Variants in ZIC1 observed in about 807,000 individuals in gnomAD.
ZIC1 encodes the protein Zic family zinc finger 1.
A neutral mutation model predicts 30.9 loss-of-function variants in ZIC1; 4 were observed. That is an observed-to-expected ratio of 0.13 (90% CI 0.06 to 0.30). The LOEUF (loss-of-function observed/expected upper bound fraction) is 0.30. Among genes scored for constraint, ZIC1 ranks in the 10% least tolerant of loss-of-function variants. The probability of loss-of-function intolerance (pLI) is 1.00; values close to 1 mark genes in which losing one functional copy is unlikely to be tolerated. For synonymous variants in ZIC1, 305 were observed against 277.5 expected, an observed-to-expected ratio of 1.10 and a Z score of -0.98; for missense variants, 441 against 639.3, an observed-to-expected ratio of 0.69 and a Z score of 3.34.
rs2087345236 is a variant in ZIC1, at chr3:147,409,729, T to C, written c.-384T>C. On this transcript the variant is annotated 5_prime_UTR_variant, in exon 1 of 3. Transcript: ENST00000282928. ...CGCTCACATTCCTCTATGCTACAAA[T>C]CCAGGAGGAAGTTTTTTTTTAGGGG... 4.5e-6 allele frequency: 1 copy of C among 223,090 alleles called. No homozygotes were observed. Among genetic ancestry groups the C allele is most frequent in the Non-Finnish European group, 8.7e-6 (1 of 114,588 alleles). The allele number at this position is 223,090 out of a possible 1,614,324, so 13.8% of individuals were successfully genotyped here.
chr3:147,410,365 C>A lies in ZIC1; in HGVS notation c.253C>A (p.His85Asn). ...CCTGGGCCATCACCATCACCCGGGC[C>A]ACGTCGGCTCCTATTCCAGCGCAGC... ...AALGHHHHPG[H>N]VGSYSSAAFN... is the part of the protein sequence containing the mutation. The change falls in exon 1 of 3, where the codon CAC becomes AAC. Residue 85 changes from histidine to asparagine, a missense_variant. Coordinates refer to ENST00000282928, the MANE Select transcript of ZIC1 (RefSeq NM_003412.4). The A allele has an allele frequency of 6.2e-7, 1 of 1,601,406 alleles. No homozygotes were observed. The highest frequency in any genetic ancestry group is 8.5e-7 in the Non-Finnish European group (1 of 1,179,564).
chr3:147,410,072 G>T lies in ZIC1; in HGVS notation c.-41G>T. On this transcript the variant is annotated 5_prime_UTR_variant, in exon 1 of 3. Transcript: ENST00000282928. ...TTTCCCTCCTCGGCTGGCGAGGGTG[G>T]GGGGGGCGGGGGAGGCCGGGGCTCG... 1 of 1,431,092 alleles carries T rather than the reference G, an allele frequency of 7.0e-7. No individual in the cohort carries two copies. Among genetic ancestry groups the T allele is most frequent in the Non-Finnish European group, 9.1e-7 (1 of 1,100,292 alleles). The allele number at this position is 1,431,092 out of a possible 1,614,324, so 88.6% of individuals were successfully genotyped here. A position where few individuals can be genotyped will look rare whatever the true frequency, so the allele number is the denominator to read the frequency against.
At chr3:147,412,857 G>A (rs970732205) in intron 2 of ZIC1, among the ~76,000 whole-genome samples, 176 bp downstream of exon 2, 1 of 152,200 alleles carries the variant, frequency 6.6e-6, no homozygotes, top group Non-Finnish European at 1.5e-5. Context: ...AAAAGGGGAT[G>A]GGAGTGTCCA....
In ZIC1 at chr3:147,414,060, A is replaced by AGGGATGGGCGGGGGGAGGGGGAGGGGGG. The variant is rs2087410146; in HGVS notation, c.*512_*513insATGGGCGGGGGGAGGGGGAGGGGGGGGG. The AGGGATGGGCGGGGGGAGGGGGAGGGGGG allele has an allele frequency of 7.2e-5, 1 of 13,900 alleles. No homozygotes were observed. Among genetic ancestry groups the AGGGATGGGCGGGGGGAGGGGGAGGGGGG allele is most frequent in the Admixed American group, 8.3e-4 (1 of 1,212 alleles). The allele number at this position is 13,900 out of a possible 1,614,324, so 0.9% of individuals were successfully genotyped here. A position where few individuals can be genotyped will look rare whatever the true frequency, so the allele number is the denominator to read the frequency against. On this transcript the variant is annotated 3_prime_UTR_variant, in exon 3 of 3. Transcript: ENST00000282928. ...GATGGGCGGGGGGAGGGGGAGGGGG[A>AGGGATGGGCGGGGGGAGGGGGAGGGGGG]GGGGTGGGCGGCCGAAAGCCAACTG...
rs1224575586 is a variant in ZIC1, at chr3:147,410,489, G to C, written c.377G>C (p.Gly126Ala). ...AQHSLFAASAGGFGGPHGHTD... is the reference protein window; with the variant it reads ...AQHSLFAASAAGFGGPHGHTD... ...CACAGCCTCTTTGCTGCATCGGCCG[G>C]GGGCTTCGGGGGCCCACACGGCCAC... The change falls in exon 1 of 3, where the codon GGG becomes GCG. Residue 126 changes from glycine to alanine, a missense_variant. Gly to Ala is a moderately conservative substitution (Grantham distance 60). This residue lies in a region of ZIC1 where 307 missense variants were observed against 355.3 expected (regional missense o/e 0.86). Coordinates refer to ENST00000282928, the MANE Select transcript of ZIC1 (RefSeq NM_003412.4). 6.2e-7 allele frequency: 1 copy of C among 1,606,706 alleles called. No homozygotes were observed. The highest frequency in any genetic ancestry group is 8.5e-7 in the Non-Finnish European group (1 of 1,178,894).
In ZIC1 at chr3:147,413,614, C is replaced by T; in HGVS notation, c.*63C>T. 11 of 1,559,214 alleles carry T rather than the reference C, an allele frequency of 7.1e-6. No individual in the cohort carries two copies. The highest frequency in any genetic ancestry group is 9.6e-6 in the Non-Finnish European group (11 of 1,146,142). On this transcript the variant is annotated 3_prime_UTR_variant, in exon 3 of 3. Coordinates refer to ENST00000282928, the MANE Select transcript of ZIC1 (RefSeq NM_003412.4). ...AGACTGATCACACACGTATACACAA[C>T]ATTACTGAAAGAACCCTGCGAATCA... is the stretch of plus-strand genomic sequence containing the variant.
At position 147,409,931 on chromosome 3, in the gene ZIC1, G is replaced by C. The variant is rs1473369564; in HGVS notation, c.-182G>C. On this transcript the variant is annotated 5_prime_UTR_variant, in exon 1 of 3. Transcript: ENST00000282928. The stretch of plus-strand genomic sequence containing the variant: ...TTTGCGTTTGGCCCGGCCAGCGCCC[G>C]GGCGCGCCGCGCCATTGCCTGCAGG... 3 of 637,778 alleles carry C rather than the reference G, an allele frequency of 4.7e-6. No individual in the cohort carries two copies. Among genetic ancestry groups the C allele is most frequent in the Admixed American group, 8.0e-5 (2 of 25,008 alleles). The allele number at this position is 637,778 out of a possible 1,614,324, so 39.5% of individuals were successfully genotyped here. A position where few individuals can be genotyped will look rare whatever the true frequency, so the allele number is the denominator to read the frequency against.
chr3:147,410,830 A>C lies in ZIC1; in HGVS notation c.718A>C (p.Lys240Gln). 6.2e-7 allele frequency: 1 copy of C among 1,614,140 alleles called. No individual in the cohort carries two copies. The highest frequency in any genetic ancestry group is 1.1e-5 in the South Asian group (1 of 91,078). Residue 240 changes from lysine to glutamine, a missense_variant, in exon 1 of 3, where the codon AAG (lysine) becomes CAG (glutamine). Physicochemically the swap from Lys to Gln is moderately conservative, Grantham distance 53. This residue lies in a region of ZIC1 where 307 missense variants were observed against 355.3 expected (regional missense o/e 0.86). Transcript: ENST00000282928. ...GCCCGAGCAGCTGGCCAACCCCAAA[A>C]AGTCGTGCAACAAAACTTTCAGCAC... ...IEPEQLANPK[K>Q]SCNKTFSTMH...
At position 147,412,745 on chromosome 3, in the gene ZIC1, C is replaced by A. The variant is rs932309811; in HGVS notation, c.1146+64C>A. 7.0e-6 allele frequency: 11 copies of A among 1,565,452 alleles called. No individual in the cohort carries two copies. The Admixed American group carries it at 1.9e-4, about 27-fold the overall frequency. On this transcript the variant is annotated intron_variant, in intron 2 of 2. Transcript: ENST00000282928. The stretch of plus-strand genomic sequence containing the variant: ...GCTCTCTTGGCTCTCGGCTTGGGGT[C>A]GGGCGGCGAGTGGCAGACAGGCGGT...
rs1362192071 is a variant in ZIC1, at chr3:147,410,151, C to A, written c.39C>A (p.Gly13=). Residue 13 remains glycine (G), a synonymous_variant, in exon 1 of 3, where the codon GGC becomes GGA. Transcript: ENST00000282928. ...CCGGCCCCCAGTACCCAGCGATCGGCGTGACCACCTTTGGCGCGTCCCGCC... is the reference window on the plus strand; with the variant it reads ...CCGGCCCCCAGTACCCAGCGATCGGAGTGACCACCTTTGGCGCGTCCCGCC... ...LDAGPQYPAI[G]VTTFGASRHH... The A allele has an allele frequency of 1.3e-6, 2 of 1,595,754 alleles. No individual in the cohort carries two copies. Among genetic ancestry groups the A allele is most frequent in the Admixed American group, 1.7e-5 (1 of 59,744 alleles).
chr3:147,412,999 G>A (rs553196056), intron 2 of ZIC1, among the ~76,000 whole-genome samples: 62 of 152,364 alleles, frequency 4.1e-4, no homozygotes, highest in Non-Finnish European at 7.6e-4. Context: ...TGCCCTTGCA[G>A]CTGCCAGTGA....
chr3:147,413,604 G>T lies in ZIC1; in HGVS notation c.*53G>T. 6.3e-7 allele frequency: 1 copy of T among 1,586,604 alleles called. No homozygotes were observed. Among genetic ancestry groups the T allele is most frequent in the Non-Finnish European group, 8.6e-7 (1 of 1,161,114 alleles). The stretch of plus-strand genomic sequence containing the variant: ...CCTATTTAAGAGACTGATCACACAC[G>T]TATACACAACATTACTGAAAGAACC... On this transcript the variant is annotated 3_prime_UTR_variant, in exon 3 of 3. Transcript: ENST00000282928.
intron 2 of ZIC1, 96 bp from the exon 3 acceptor site, chr3:147,413,258 G>T: frequency 3.7e-6 from 5 of 1,361,946 alleles, no homozygotes; most frequent in Non-Finnish European, 5.0e-6. Context: ...GGGGCTCCAA[G>T]GGGTCCAGGA....
rs987713577 is a variant in ZIC1 at position 147,411,992 on chromosome 3, G to T, written c.983-526G>T. The stretch of plus-strand genomic sequence containing the variant: ...GCTTGAGACTTCGGGTTTAACGCCC[G>T]AGTCAGGGAAGAATTTGCGGCGTTG... On this transcript the variant is annotated intron_variant, in intron 1 of 2. Coordinates refer to ENST00000282928, the MANE Select transcript of ZIC1 (RefSeq NM_003412.4). 5.9e-5 allele frequency among the ~76,000 whole-genome samples: 9 copies of T among 152,192 alleles called. No homozygotes were observed. In the East Asian group the frequency reaches 1.7e-3, roughly 29 times the overall value.
Position 147,411,079 on chromosome 3 carries a change from A to G in ZIC1, c.967A>G (p.Lys323Glu). 6.2e-7 allele frequency: 1 copy of G among 1,613,270 alleles called. No homozygotes were observed. Among genetic ancestry groups the G allele is most frequent in the Non-Finnish European group, 8.5e-7 (1 of 1,179,516 alleles). ...FARSENLKIH[K>E]RTHTGEKPFK... is the part of the protein sequence containing the mutation. The stretch of plus-strand genomic sequence containing the variant: ...GCGCTCCGAGAATTTAAAGATCCAC[A>G]AAAGGACGCACACAGGTACGGAAAC... Residue 323 changes from lysine (K) to glutamate (E), a missense_variant, in exon 1 of 3, where the codon AAA (lysine) becomes GAA (glutamate). By Grantham distance (56) the Lys-to-Glu change is moderately conservative (BLOSUM62 1). This residue lies in a region of ZIC1 where 14 missense variants were observed against 99.8 expected (regional missense o/e 0.14). Coordinates refer to ENST00000282928, the MANE Select transcript of ZIC1 (RefSeq NM_003412.4).
In ZIC1 at chr3:147,413,669, T is replaced by A; in HGVS notation, c.*118T>A. Reference sequence around the variant, plus strand: ...AACCCCCACACAGACCCCGCAATCCTTTTTTAAAAAATCTGCCAATAGACC... The same window carrying A: ...AACCCCCACACAGACCCCGCAATCCATTTTTAAAAAATCTGCCAATAGACC... On this transcript the variant is annotated 3_prime_UTR_variant, in exon 3 of 3. Transcript: ENST00000282928. The A allele has an allele frequency of 2.5e-6, 3 of 1,212,866 alleles. No individual in the cohort carries two copies. Among genetic ancestry groups the A allele is most frequent in the Admixed American group, 3.1e-5 (1 of 32,248 alleles). The allele number at this position is 1,212,866 out of a possible 1,614,324, so 75.1% of individuals were successfully genotyped here.
chr3:147,410,746 G>A lies in ZIC1; in HGVS notation c.634G>A (p.Ala212Thr). The A allele has an allele frequency of 1.9e-6, 3 of 1,614,160 alleles. No homozygotes were observed. The highest frequency in any genetic ancestry group is 2.2e-5 in the East Asian group (1 of 44,876). ...VNMAAHHGAG[A>T]FFRYMRQPIK... ...CATGGCCGCGCATCACGGCGCCGGC[G>A]CCTTCTTCCGCTACATGCGCCAACC... Residue 212 changes from alanine to threonine, a missense_variant, in exon 1 of 3, where the codon GCC (alanine) becomes ACC (threonine). Around this residue, in one of 5 missense-constraint regions of ZIC1, gnomAD observed 307 missense variants for 355.3 expected, o/e 0.86. Coordinates refer to ENST00000282928, the MANE Select transcript of ZIC1 (RefSeq NM_003412.4).
rs2087437155 is a variant in ZIC1, at chr3:147,416,598, A to G, written c.*3047A>G. 2.0e-5 allele frequency: 3 copies of G among 152,250 alleles called. No homozygotes were observed. The South Asian group carries it at 6.2e-4, about 31-fold the overall frequency. The allele number at this position is 152,250 out of a possible 1,614,324, so 9.4% of individuals were successfully genotyped here. On this transcript the variant is annotated 3_prime_UTR_variant, in exon 3 of 3. Coordinates refer to ENST00000282928, the MANE Select transcript of ZIC1 (RefSeq NM_003412.4). ...TTCAAAATGACTCCATATTTCAAAT[A>G]TCTGTTTAGACTGTGAAGGCCAAAT...
In ZIC1 at chr3:147,413,645, AC is replaced by A; in HGVS notation, c.*99del. The A allele has an allele frequency of 7.2e-7, 1 of 1,390,504 alleles. No individual in the cohort carries two copies. The highest frequency in any genetic ancestry group is 9.7e-7 in the Non-Finnish European group (1 of 1,031,542). The allele number at this position is 1,390,504 out of a possible 1,614,324, so 86.1% of individuals were successfully genotyped here. On this transcript the variant is annotated 3_prime_UTR_variant, in exon 3 of 3. Coordinates refer to ENST00000282928, the MANE Select transcript of ZIC1 (RefSeq NM_003412.4). ...TGAAAGAACCCTGCGAATCAAAACA[AC>A]CCCCACACAGACCCCGCAATCCTTT... is the stretch of plus-strand genomic sequence containing the variant.
Sources: gnomAD v4.1 joint callset for allele counts (sites outside exome capture counted in the v4.1 genomes callset) on GRCh38, gnomAD v4.1.1 for gene constraint, gnomAD v4.1.1 regional missense constraint, MANE v1.5 for transcripts, NCBI Gene and HGNC (gene_info 2026-07-23, HGNC 2026-07-21) for gene names.